Variants in ASCL5 observed in about 807,000 individuals in gnomAD.
ASCL5 encodes the protein achaete-scute homolog 5.
For missense variants in ASCL5, 262 were observed against 268.9 expected (o/e 0.97, Z 0.18); for synonymous variants, 124 against 131.5 (o/e 0.94, Z 0.39).
intron 1 of ASCL5, among the ~76,000 whole-genome samples, chr1:201,122,117 T>G (rs1663474143): frequency 6.6e-6 from 1 of 152,116 alleles, no homozygotes; most frequent in African/African-American, 2.4e-5. Flanking sequence ...TCTGGGTGGG[T>G]GTTGTGCAGG....
At chr1:201,122,844 G>A (rs1663510690) in intron 1 of ASCL5, among the ~76,000 whole-genome samples, 1 of 152,148 alleles carries the variant, frequency 6.6e-6, no homozygotes, top group East Asian at 1.9e-4. Context: ...TGCTCTTACT[G>A]GCTAAGTAGC....
chr1:201,123,098 C>T (rs1436844357), intron 1 of ASCL5, among the ~76,000 whole-genome samples: 3 of 152,158 alleles, frequency 2.0e-5, no homozygotes, highest in African/African-American at 2.4e-5. Context: ...AGGTGCCCCA[C>T]CAATATTGTT....
At chr1:201,126,534 T>C (rs1038415992) in intron 1 of ASCL5, among the ~76,000 whole-genome samples, 8 of 152,348 alleles carry the variant, frequency 5.3e-5, no homozygotes, top group Admixed American at 2.6e-4. Flanking sequence ...TTATATAACA[T>C]TTATTCTATG....
intron 1 of ASCL5, among the ~76,000 whole-genome samples, chr1:201,116,146 A>G (rs1043603095): frequency 3.9e-5 from 6 of 152,224 alleles, no homozygotes; most frequent in Non-Finnish European, 8.8e-5. Flanking sequence ...GTGAAAAAAT[A>G]TATGCAAAAA....
At chr1:201,122,634 C>A (rs1547645) in intron 1 of ASCL5, among the ~76,000 whole-genome samples, 7,830 of 152,152 alleles carry the variant, frequency 0.051, 229 homozygotes, top group East Asian at 0.14. Context: ...CGGTCCCCAC[C>A]TTTTTTATGA....
At position 201,115,426 on chromosome 1, in the gene ASCL5, T is replaced by A. The variant is rs1163988533; in HGVS notation, c.-54A>T. On this transcript the variant is annotated 5_prime_UTR_variant, in exon 2 of 2. Coordinates refer to ENST00000449188, the MANE Select transcript of ASCL5 (RefSeq NM_001270601.2). ...AGGCCTCCACCGAATGGCCCCGGCT[T>A]GGGGTCTGCACCGTCTCCACCAGTG... 1 of 1,228,718 alleles carries A rather than the reference T, an allele frequency of 8.1e-7. No homozygotes were observed. Among genetic ancestry groups the A allele is most frequent in the African/African-American group, 1.6e-5 (1 of 64,470 alleles). 76.1% of individuals were successfully genotyped at this position (1,228,718 alleles called of 1,614,324 possible).
chr1:201,115,410 C>T lies in ASCL5; in HGVS notation c.-38G>A. Reference sequence around the variant, plus strand: ...AGCTGGACCCAGAGCGAGGCCTCCACCGAATGGCCCCGGCTTGGGGTCTGC... The same window carrying T: ...AGCTGGACCCAGAGCGAGGCCTCCATCGAATGGCCCCGGCTTGGGGTCTGC... On this transcript the variant is annotated 5_prime_UTR_variant, in exon 2 of 2. It adds an upstream start codon to the 5' untranslated region. Coordinates refer to ENST00000449188, the MANE Select transcript of ASCL5 (RefSeq NM_001270601.2). 4 of 1,231,100 alleles carry T rather than the reference C, an allele frequency of 3.2e-6. No homozygotes were observed. The highest frequency in any genetic ancestry group is 4.1e-6 in the Non-Finnish European group (4 of 987,450). The allele number at this position is 1,231,100 out of a possible 1,614,324, so 76.3% of individuals were successfully genotyped here.
chr1:201,122,009 C>T (rs886702553), intron 1 of ASCL5, among the ~76,000 whole-genome samples: 5 of 152,188 alleles, frequency 3.3e-5, no homozygotes, highest in African/African-American at 4.8e-5. Flanking sequence ...AGAATCTTGA[C>T]GGGTATAGTT....
intron 1 of ASCL5, among the ~76,000 whole-genome samples, chr1:201,118,924 T>C (rs1275535791): frequency 6.6e-6 from 1 of 152,180 alleles, no homozygotes; most frequent in East Asian, 1.9e-4. Flanking sequence ...TGTTAGGAAT[T>C]CATGAACTAA....
chr1:201,115,267 G>T lies in ASCL5; in HGVS notation c.106C>A (p.Pro36Thr). ...GGCACGTTGCCCAGGGGCTCGGCGG[G>T]GGGCAGGGGCGCCTGCCGGGGAGGG... ...MPPPRQAPLPPAEPLGNVPFL... is the reference protein window; with the variant it reads ...MPPPRQAPLPTAEPLGNVPFL... Residue 36 changes from proline (P) to threonine (T), a missense_variant, in exon 2 of 2, where the codon CCC (proline) becomes ACC (threonine). By Grantham distance (38) the Pro-to-Thr change is conservative. Coordinates refer to ENST00000449188, the MANE Select transcript of ASCL5 (RefSeq NM_001270601.2). 3.2e-6 allele frequency: 4 copies of T among 1,231,454 alleles called. No homozygotes were observed. The South Asian group carries it at 1.6e-4, about 51-fold the overall frequency. 76.3% of individuals were successfully genotyped at this position (1,231,454 alleles called of 1,614,324 possible).
In ASCL5 at chr1:201,114,638, C is replaced by T; in HGVS notation, c.*114G>A. Reference sequence around the variant, plus strand: ...CAGACACGGGAGCGCCGCGGACCTCCTACAGTCACCGTCCTGCGGCGCATC... The same window carrying T: ...CAGACACGGGAGCGCCGCGGACCTCTTACAGTCACCGTCCTGCGGCGCATC... On this transcript the variant is annotated 3_prime_UTR_variant, in exon 2 of 2. Coordinates refer to ENST00000449188, the MANE Select transcript of ASCL5 (RefSeq NM_001270601.2). The T allele has an allele frequency of 1.0e-6, 1 of 983,936 alleles. No individual in the cohort carries two copies. Among genetic ancestry groups the T allele is most frequent in the Non-Finnish European group, 1.3e-6 (1 of 764,870 alleles). 61.0% of individuals were successfully genotyped at this position (983,936 alleles called of 1,614,324 possible).
At chr1:201,126,539 T>C (rs1357707907) in intron 1 of ASCL5, among the ~76,000 whole-genome samples, 1 of 152,242 alleles carries the variant, frequency 6.6e-6, no homozygotes, top group Admixed American at 6.5e-5. Flanking sequence ...TAACATTTAT[T>C]CTATGCCAAG....
chr1:201,115,822 T>C lies in ASCL5; in HGVS notation c.-450A>G, dbSNP rs61746871. 3,080 of 153,166 alleles carry C rather than the reference T, an allele frequency of 0.02. 82 individuals are homozygous for C. The highest frequency in any genetic ancestry group is 0.058 in the South Asian group (282 of 4,838). The allele number at this position is 153,166 out of a possible 1,614,324, so 9.5% of individuals were successfully genotyped here. A position where few individuals can be genotyped will look rare whatever the true frequency, so the allele number is the denominator to read the frequency against. ...CCCGGGCTGTCCGGGGTCCCCAAACTGATGGCTGCTGTTAGGAGTGCGCCA... is the reference window on the plus strand; with the variant it reads ...CCCGGGCTGTCCGGGGTCCCCAAACCGATGGCTGCTGTTAGGAGTGCGCCA... On this transcript the variant is annotated 5_prime_UTR_variant, in exon 2 of 2. Coordinates refer to ENST00000449188, the MANE Select transcript of ASCL5 (RefSeq NM_001270601.2).
intron 1 of ASCL5, among the ~76,000 whole-genome samples, chr1:201,124,901 C>T (rs1663551026): frequency 6.6e-6 from 1 of 152,168 alleles, no homozygotes; most frequent in Non-Finnish European, 1.5e-5. Context: ...ACTGCCCCCA[C>T]CCCAGTTTCC....
intron 1 of ASCL5, among the ~76,000 whole-genome samples, chr1:201,125,887 T>A (rs946807958): frequency 1.3e-5 from 2 of 152,156 alleles, no homozygotes; most frequent in Non-Finnish European, 2.9e-5. Context: ...TCACCTTCCT[T>A]TAATGTCTGT....
intron 1 of ASCL5, among the ~76,000 whole-genome samples, chr1:201,118,420 T>A (rs569612902): frequency 3.5e-4 from 52 of 150,600 alleles, no homozygotes; most frequent in African/African-American, 1.0e-3. Context: ...AGGAGGCAGA[T>A]GTTGCAGTGA....
intron 1 of ASCL5, among the ~76,000 whole-genome samples, chr1:201,118,915 G>C (rs745469575): frequency 2.6e-5 from 4 of 152,158 alleles, no homozygotes; most frequent in Non-Finnish European, 4.4e-5. Flanking sequence ...AAGGCCCACT[G>C]TTAGGAATTC....
chr1:201,115,099 C>T lies in ASCL5; in HGVS notation c.274G>A (p.Glu92Lys). ...PAFIQKRNER[E>K]RQRVKCVNEG... The stretch of plus-strand genomic sequence containing the variant: ...TTGACGCACTTGACTCGCTGCCTCT[C>T]GCGCTCGTTGCGCTTCTGGATGAAG... Residue 92 changes from glutamate (E) to lysine (K), a missense_variant, in exon 2 of 2, where the codon GAG becomes AAG. Transcript: ENST00000449188. 3 of 1,231,804 alleles carry T rather than the reference C, an allele frequency of 2.4e-6. No homozygotes were observed. Among genetic ancestry groups the T allele is most frequent in the Non-Finnish European group, 3.0e-6 (3 of 988,048 alleles). The allele number at this position is 1,231,804 out of a possible 1,614,324, so 76.3% of individuals were successfully genotyped here. A position where few individuals can be genotyped will look rare whatever the true frequency, so the allele number is the denominator to read the frequency against.
intron 1 of ASCL5, among the ~76,000 whole-genome samples, chr1:201,122,408 G>C (rs149339825): frequency 6.6e-6 from 1 of 152,184 alleles, no homozygotes; most frequent in Non-Finnish European, 1.5e-5. Context: ...GGATGGGCTC[G>C]CGTGGATTAG....
Sources: gnomAD v4.1 joint callset for allele counts (sites outside exome capture counted in the v4.1 genomes callset) on GRCh38, gnomAD v4.1.1 for gene constraint, MANE v1.5 for transcripts, NCBI Gene and HGNC (gene_info 2026-07-23, HGNC 2026-07-21) for gene names.